Variants in GRK3 observed in about 807,000 individuals in gnomAD.
GRK3 encodes adrenergic, beta, receptor kinase 2.
GRK3 carries 54 observed loss-of-function variants against 95.7 expected under a neutral mutation model. The ratio of observed to expected loss-of-function variants is 0.56; its 90% CI spans 0.45 to 0.71. GRK3 has a LOEUF of 0.71. Among genes scored for constraint, GRK3 ranks in the 30% least tolerant of loss-of-function variants. GRK3 has a pLI of 0.00. For missense variants in GRK3, 649 were observed against 851.2 expected, an observed-to-expected ratio of 0.76 and a Z score of 2.96; for synonymous variants, 281 against 290.8, an observed-to-expected ratio of 0.97 and a Z score of 0.34.
intron 2 of GRK3, among the ~76,000 whole-genome samples, chr22:25,614,382 C>A (rs535093421): frequency 5.3e-5 from 8 of 152,304 alleles, no homozygotes; most frequent in African/African-American, 1.7e-4. Flanking sequence ...GATCCACCCA[C>A]CTCAGCCTCC....
intron 3 of GRK3, among the ~76,000 whole-genome samples, chr22:25,660,206 G>T (rs1326505125): frequency 2.6e-5 from 4 of 152,172 alleles, no homozygotes; most frequent in African/African-American, 9.6e-5. Flanking sequence ...TCTGGCTTCT[G>T]TTACTTTGCA....
At chr22:25,582,201 C>T (rs1167457724) in intron 1 of GRK3, among the ~76,000 whole-genome samples, 1 of 151,864 alleles carries the variant, frequency 6.6e-6, no homozygotes, top group Non-Finnish European at 1.5e-5. Context: ...CACTTAAACC[C>T]AGGTAGCGGA....
chr22:25,664,443 A>G (rs186157813), intron 5 of GRK3, among the ~76,000 whole-genome samples: 77 of 152,160 alleles, frequency 5.1e-4, no homozygotes, highest in Non-Finnish European at 9.6e-4. Context: ...AATGGTTTTA[A>G]TAAGTGAAAA....
intron 6 of GRK3, among the ~76,000 whole-genome samples, 180 bp downstream of exon 6, chr22:25,667,980 G>A (rs2084953686): frequency 6.6e-6 from 1 of 151,994 alleles, no homozygotes; most frequent in South Asian, 2.1e-4. Context: ...ATAATTTTAG[G>A]GTTTGTCTAT....
chr22:25,571,024 G>A (rs1370476748), intron 1 of GRK3, among the ~76,000 whole-genome samples: 1 of 152,200 alleles, frequency 6.6e-6, no homozygotes, highest in Non-Finnish European at 1.5e-5. Flanking sequence ...AATATTTTGT[G>A]ATAGGTAGTT....
chr22:25,570,699 A>G (rs1372276352), intron 1 of GRK3, among the ~76,000 whole-genome samples: 2 of 152,208 alleles, frequency 1.3e-5, no homozygotes, highest in Admixed American at 6.5e-5. Flanking sequence ...ATTTGCATGC[A>G]AATGGGACTG....
chr22:25,719,746 A>G (rs1409233242), intron 19 of GRK3, among the ~76,000 whole-genome samples: 1 of 151,896 alleles, frequency 6.6e-6, no homozygotes, highest in Non-Finnish European at 1.5e-5. Context: ...ATGGTCCCAA[A>G]CACTCAAAAC....
chr22:25,581,743 A>C (rs1932105503), intron 1 of GRK3, among the ~76,000 whole-genome samples: 2 of 152,102 alleles, frequency 1.3e-5, no homozygotes, highest in Non-Finnish European at 2.9e-5. Context: ...AGTGCAAAAG[A>C]CTTCACTGAC....
rs1262081687 is a variant in GRK3 at position 25,565,006 on chromosome 22, A to C, written c.-35A>C. Reference sequence around the variant, plus strand: ...GGGCGCGCGTCCCGTCCAGGTCCGGAGTAACCGCCGCCGCCGCCGCCAAAG... The same window carrying C: ...GGGCGCGCGTCCCGTCCAGGTCCGGCGTAACCGCCGCCGCCGCCGCCAAAG... On this transcript the variant is annotated 5_prime_UTR_variant, in exon 1 of 21. Coordinates refer to ENST00000324198, the MANE Select transcript of GRK3 (RefSeq NM_005160.4). 1.4e-5 allele frequency: 12 copies of C among 878,114 alleles called. No individual in the cohort carries two copies. The highest frequency in any genetic ancestry group is 7.4e-5 in the East Asian group (1 of 13,534). 54.4% of individuals were successfully genotyped at this position (878,114 alleles called of 1,614,324 possible). A position where few individuals can be genotyped will look rare whatever the true frequency, so the allele number is the denominator to read the frequency against.
At position 25,725,102 on chromosome 22, in the gene GRK3, C is replaced by T. The variant is rs933082609; in HGVS notation, c.*2652C>T. On this transcript the variant is annotated 3_prime_UTR_variant, in exon 21 of 21. Transcript: ENST00000324198. The stretch of plus-strand genomic sequence containing the variant: ...CCTCCTTCCTTGGCCTCCCAAAATG[C>T]TGGAATTAGAGATGTAAGCCACCAT... 6.6e-6 allele frequency: 1 copy of T among 152,538 alleles called. No individual in the cohort carries two copies. Among genetic ancestry groups the T allele is most frequent in the African/African-American group, 2.4e-5 (1 of 41,424 alleles). The allele number at this position is 152,538 out of a possible 1,614,324, so 9.4% of individuals were successfully genotyped here. A position where few individuals can be genotyped will look rare whatever the true frequency, so the allele number is the denominator to read the frequency against.
rs981726042 is a variant in GRK3, at chr22:25,727,766, G to C, written c.*5316G>C. The C allele has an allele frequency of 2.0e-5, 3 of 152,098 alleles. No individual in the cohort carries two copies. The highest frequency in any genetic ancestry group is 4.4e-5 in the Non-Finnish European group (3 of 68,010). The allele number at this position is 152,098 out of a possible 1,614,324, so 9.4% of individuals were successfully genotyped here. ...AAATATCAGATGTCTTTGATGTAAGGGTAGGGAATGGAGAAATATTTTCAA... is the reference window on the plus strand; with the variant it reads ...AAATATCAGATGTCTTTGATGTAAGCGTAGGGAATGGAGAAATATTTTCAA... On this transcript the variant is annotated 3_prime_UTR_variant, in exon 21 of 21. Coordinates refer to ENST00000324198, the MANE Select transcript of GRK3 (RefSeq NM_005160.4).
At chr22:25,710,107 C>T in intron 16 of GRK3, 143 bp downstream of exon 16, 1 of 706,018 alleles carries the variant, frequency 1.4e-6, no homozygotes, top group South Asian at 1.6e-5. Flanking sequence ...ACCCACCTCC[C>T]CCAGCATCCT....
chr22:25,569,890 A>G (rs1931625196), intron 1 of GRK3, among the ~76,000 whole-genome samples: 1 of 152,212 alleles, frequency 6.6e-6, no homozygotes, highest in South Asian at 2.1e-4. Context: ...GAAGGAGCAG[A>G]CACTCAGGGA....
chr22:25,672,085 C>G (rs1171322300), intron 6 of GRK3, among the ~76,000 whole-genome samples: 1 of 151,978 alleles, frequency 6.6e-6, no homozygotes, highest in Non-Finnish European at 1.5e-5. Flanking sequence ...TAGCTTATGA[C>G]AATTAAAGAA....
rs151190692 is a variant in GRK3, at chr22:25,718,294, G to A, written c.1704G>A (p.Leu568=). The A allele has an allele frequency of 4.3e-6, 7 of 1,614,096 alleles. No individual in the cohort carries two copies. In the African/African-American group the frequency reaches 8.0e-5, roughly 18 times the overall value. ...TTATGCACGGGTACATGCTGAAACTGGGAAACCCATTTCTGACTCAGTGGC... is the reference window on the plus strand; with the variant it reads ...TTATGCACGGGTACATGCTGAAACTAGGAAACCCATTTCTGACTCAGTGGC... ...DCIMHGYMLK[L]GNPFLTQWQR... The change falls in exon 19 of 21, where the codon CTG becomes CTA. Residue 568 remains leucine, a synonymous_variant. Coordinates refer to ENST00000324198, the MANE Select transcript of GRK3 (RefSeq NM_005160.4).
At chr22:25,667,269 C>T (rs1258807695) in intron 5 of GRK3, among the ~76,000 whole-genome samples, 1 of 152,184 alleles carries the variant, frequency 6.6e-6, no homozygotes, top group Non-Finnish European at 1.5e-5. Context: ...TTTTAAAACT[C>T]AGTGCAGATT....
chr22:25,604,462 T>G lies in GRK3; in HGVS notation c.190+9T>G. 6.3e-7 allele frequency: 1 copy of G among 1,597,268 alleles called. No homozygotes were observed. Among genetic ancestry groups the G allele is most frequent in the Non-Finnish European group, 8.6e-7 (1 of 1,168,990 alleles). Reference sequence around the variant, plus strand: ...TTTCAATCAGAAAATTGGTAAGTCCTGCTTGTTCATTTGGCATACGGTAAT... The same window carrying G: ...TTTCAATCAGAAAATTGGTAAGTCCGGCTTGTTCATTTGGCATACGGTAAT... On this transcript the variant is annotated intron_variant, in intron 2 of 20. Coordinates refer to ENST00000324198, the MANE Select transcript of GRK3 (RefSeq NM_005160.4).
At chr22:25,681,872 C>G (rs2085077179) in intron 9 of GRK3, among the ~76,000 whole-genome samples, 1 of 152,182 alleles carries the variant, frequency 6.6e-6, no homozygotes, top group African/African-American at 2.4e-5. Flanking sequence ...GTAATCAAGG[C>G]AGGCCGTCTT....
chr22:25,643,482 C>G lies in GRK3; in HGVS notation c.191-1110C>G, dbSNP rs573015454. 6.8e-4 allele frequency among the ~76,000 whole-genome samples: 104 copies of G among 152,344 alleles called. No homozygotes were observed. In the South Asian group the frequency reaches 0.021, roughly 30 times the overall value. ...ATTAAAATCTCATCACAGCCACTTC[C>G]TTTTTCAGTCCCACCTGGGGAATTC... On this transcript the variant is annotated intron_variant, in intron 2 of 20. Transcript: ENST00000324198.
Sources: allele counts gnomAD v4.1 joint callset (sites outside exome capture counted in the v4.1 genomes callset), GRCh38; gene constraint gnomAD v4.1.1; transcripts MANE v1.5; gene names NCBI Gene and HGNC (gene_info 2026-07-23, HGNC 2026-07-21).